Variants in MPP7 observed in about 807,000 individuals in gnomAD.
MPP7 encodes the protein MAGUK p55 scaffold protein 7.
In MPP7, 60 loss-of-function variants were observed where a neutral mutation model predicts 76.5. That is an observed-to-expected ratio of 0.78 (90% CI 0.64 to 0.97). The LOEUF (loss-of-function observed/expected upper bound fraction) is 0.97, where lower values mean the gene tolerates loss of function less well. MPP7 is among the 50% of genes least tolerant of loss of function. The pLI, the probability that MPP7 is intolerant of heterozygous loss-of-function variation, is 0.00. For missense variants in MPP7, 641 were observed against 694.0 expected (o/e 0.92, Z 0.86); for synonymous variants, 237 against 244.5 (o/e 0.97, Z 0.29).
intron 1 of MPP7, among the ~76,000 whole-genome samples, chr10:28,248,684 T>C (rs1453823126): frequency 6.6e-6 from 1 of 152,212 alleles, no homozygotes; most frequent in African/African-American, 2.4e-5. Context: ...TATATGGCAG[T>C]GGTCTCATAT....
At chr10:28,301,981 C>G in intron 1 of MPP7, among the ~76,000 whole-genome samples, 1 of 152,200 alleles carries the variant, frequency 6.6e-6, no homozygotes, top group Non-Finnish European at 1.5e-5. Flanking sequence ...CAGGATTTAC[C>G]TGCAAACTAT....
intron 1 of MPP7, among the ~76,000 whole-genome samples, chr10:28,255,319 G>A (rs1250851972): frequency 6.6e-6 from 1 of 151,918 alleles, no homozygotes; most frequent in Non-Finnish European, 1.5e-5. Flanking sequence ...TCACCATGTT[G>A]GCTAGGCTGG....
intron 1 of MPP7, among the ~76,000 whole-genome samples, chr10:28,293,406 A>G (rs1365276787): frequency 1.3e-5 from 2 of 152,232 alleles, no homozygotes; most frequent in Non-Finnish European, 2.9e-5. Flanking sequence ...AAAAAATTAT[A>G]AGGTCAGAAA....
intron 11 of MPP7, among the ~76,000 whole-genome samples, chr10:28,108,412 T>C (rs1352677261): frequency 5.3e-5 from 8 of 152,160 alleles, no homozygotes; most frequent in East Asian, 1.9e-4. Flanking sequence ...CTCAGCACTT[T>C]GGGAGACCAA....
chr10:28,071,533 A>G (rs1432797208), intron 12 of MPP7, among the ~76,000 whole-genome samples: 1 of 152,318 alleles, frequency 6.6e-6, no homozygotes, highest in East Asian at 1.9e-4. Flanking sequence ...TATAATAAAT[A>G]TGCCATAATA....
At chr10:28,239,731 T>C (rs1306047971) in intron 1 of MPP7, among the ~76,000 whole-genome samples, 1 of 152,222 alleles carries the variant, frequency 6.6e-6, no homozygotes, top group East Asian at 1.9e-4. Context: ...GTAAAGGCAG[T>C]ATAGCATAGT....
chr10:28,248,424 A>G (rs73608080), intron 1 of MPP7, among the ~76,000 whole-genome samples: 44 of 152,220 alleles, frequency 2.9e-4, no homozygotes, highest in African/African-American at 9.6e-4. Flanking sequence ...GGCTTTGTGC[A>G]CTCCGACGCG....
intron 1 of MPP7, among the ~76,000 whole-genome samples, chr10:28,301,063 T>C (rs1380026511): frequency 6.6e-6 from 1 of 152,032 alleles, no homozygotes; most frequent in Non-Finnish European, 1.5e-5. Flanking sequence ...AGCCTTAACA[T>C]CATACAAGCG....
In MPP7 at chr10:28,237,462, C is replaced by CG. The variant is rs540365965; in HGVS notation, c.37+1105dup. ...AACGAATCCTCAATGTAAATCACAG[C>CG]GGAAAAAAAAAATCATTCTTGATGG... On this transcript the variant is annotated intron_variant, in intron 2 of 16. Transcript: ENST00000683449. Among the ~76,000 whole-genome samples, 11 of 150,716 alleles carry CG rather than the reference C, an allele frequency of 7.3e-5. No homozygotes were observed. The South Asian group carries it at 2.1e-3, about 29-fold the overall frequency.
At chr10:28,221,970 T>C (rs11006925) in intron 2 of MPP7, among the ~76,000 whole-genome samples, 3,096 of 152,294 alleles carry the variant, frequency 0.02, 110 homozygotes, top group African/African-American at 0.068. Context: ...TCTCCATTTT[T>C]ATTGGAACTG....
intron 1 of MPP7, among the ~76,000 whole-genome samples, chr10:28,292,875 T>C (rs888916227): frequency 6.6e-6 from 1 of 152,114 alleles, no homozygotes; most frequent in Non-Finnish European, 1.5e-5. Flanking sequence ...TCTGTGTGCA[T>C]ATATACGAGT....
chr10:28,120,632 G>T lies in MPP7; in HGVS notation c.652C>A (p.Pro218Thr), dbSNP rs764678292. The change falls in exon 9 of 17, where the codon CCC (proline) becomes ACC (threonine). Residue 218 changes from proline (P) to threonine (T), a missense_variant. Pro to Thr is a conservative substitution (Grantham distance 38, BLOSUM62 -1). Transcript: ENST00000683449. Reference sequence around the variant, plus strand: ...GATGGTGTCTCCTCTTTGCTGCCGGGTATAATCTTAAATGTAATTGCTCCC... The same window carrying T: ...GATGGTGTCTCCTCTTTGCTGCCGGTTATAATCTTAAATGTAATTGCTCCC... Reference protein sequence around the residue: ...SQGAITFKIIPGSKEETPSKE... With the variant: ...SQGAITFKIITGSKEETPSKE... 1 of 1,613,704 alleles carries T rather than the reference G, an allele frequency of 6.2e-7. No homozygotes were observed. The highest frequency in any genetic ancestry group is 2.2e-5 in the East Asian group (1 of 44,808).
chr10:28,115,354 C>T (rs779773759), intron 11 of MPP7, among the ~76,000 whole-genome samples: 8 of 152,142 alleles, frequency 5.3e-5, no homozygotes, highest in Admixed American at 2.0e-4. Context: ...CTGCCTGCCT[C>T]GGCCTCCCAA....
chr10:28,271,652 G>A (rs1840329335), intron 1 of MPP7, among the ~76,000 whole-genome samples: 1 of 152,146 alleles, frequency 6.6e-6, no homozygotes, highest in South Asian at 2.1e-4. Flanking sequence ...AGATGCAGCT[G>A]CCTTAACATG....
chr10:28,300,671 G>C (rs569808465), intron 1 of MPP7, among the ~76,000 whole-genome samples: 49 of 152,230 alleles, frequency 3.2e-4, no homozygotes, highest in African/African-American at 1.2e-3. Flanking sequence ...TTACATTCAG[G>C]CTGGGTGCAA....
intron 2 of MPP7, among the ~76,000 whole-genome samples, chr10:28,320,405 A>ATT (rs11369879): frequency 0.011 from 1,698 of 150,508 alleles, 22 homozygotes; most frequent in East Asian, 0.055. Context: ...GTTACTGAAG[A>ATT]TTTTTTTTTT....
chr10:28,330,606 T>C (rs1015174355), intron 1 of MPP7, among the ~76,000 whole-genome samples: 5 of 152,126 alleles, frequency 3.3e-5, no homozygotes, highest in Non-Finnish European at 7.4e-5. Context: ...ACAGTCTTAT[T>C]GAATTATTGG....
intron 5 of MPP7, among the ~76,000 whole-genome samples, chr10:28,145,680 C>G (rs1377610343): frequency 1.3e-5 from 2 of 152,150 alleles, no homozygotes; most frequent in Non-Finnish European, 2.9e-5. Flanking sequence ...CATTGCCAAA[C>G]AAAACATCAT....
intron 1 of MPP7, among the ~76,000 whole-genome samples, chr10:28,262,774 A>C (rs1175793267): frequency 6.6e-6 from 1 of 152,096 alleles, no homozygotes; most frequent in Non-Finnish European, 1.5e-5. Context: ...TCTCACATTT[A>C]GCCGGACGCA....
Sources: allele counts gnomAD v4.1 joint callset (sites outside exome capture counted in the v4.1 genomes callset), GRCh38; gene constraint gnomAD v4.1.1; transcripts MANE v1.5; gene names NCBI Gene and HGNC (gene_info 2026-07-23, HGNC 2026-07-21).